The following TBCB variants were observed in gnomAD, a reference collection of about 807,000 sequenced individuals.
The protein encoded by TBCB is tubulin folding cofactor B, also known as tubulin-folding cofactor B.
A neutral mutation model predicts 29.2 loss-of-function variants in TBCB; 18 were observed. The observed-to-expected ratio is 0.62, with a 90% CI of 0.43 to 0.91. TBCB has a LOEUF of 0.91. Among genes scored for constraint, TBCB ranks in the 40% least tolerant of loss-of-function variants. TBCB has a pLI of 0.00. For missense variants in TBCB, 336 were observed against 337.6 expected, an observed-to-expected ratio of 1.00 and a Z score of 0.04; for synonymous variants, 172 against 137.8, an observed-to-expected ratio of 1.25 and a Z score of -1.74.
chr19:36,119,155 A>G (rs1434334408), intron 2 of TBCB, among the ~76,000 whole-genome samples: 1 of 152,222 alleles, frequency 6.6e-6, no homozygotes, highest in African/African-American at 2.4e-5. Flanking sequence ...GAGTGGAGCC[A>G]CTGGGGAATT....
At chr19:36,115,006 C>T (rs1051608372), upstream of TBCB, 12 of 731,578 alleles carry the variant, frequency 1.6e-5, no homozygotes, top group Non-Finnish European at 2.5e-5. Flanking sequence ...GCTCGGCTCT[C>T]TCCGCGCAGA....
At chr19:36,119,869 C>T (rs1039038510) in intron 2 of TBCB, among the ~76,000 whole-genome samples, 8 of 151,062 alleles carry the variant, frequency 5.3e-5, no homozygotes, top group African/African-American at 1.7e-4. Context: ...ACACTCCAGC[C>T]TGGGTGACAG....
chr19:36,125,177 C>T (rs537106821), intron 4 of TBCB, among the ~76,000 whole-genome samples: 36 of 152,280 alleles, frequency 2.4e-4, no homozygotes, highest in African/African-American at 8.7e-4. Context: ...GTGCCATCCC[C>T]CTTAGGTTTT....
At position 36,122,973 on chromosome 19, in the gene TBCB, AGTC is replaced by A. The variant is rs1884335673; in HGVS notation, c.547+1259_547+1261del. On this transcript the variant is annotated intron_variant, in intron 4 of 5. Coordinates refer to ENST00000221855, the MANE Select transcript of TBCB (RefSeq NM_001281.3). ...TTATGCCTGTGTGTACCCATCCCCC[AGTC>A]GTCTTCAGCCACTAATTTACGTCTG... 1.3e-5 allele frequency among the ~76,000 whole-genome samples: 2 copies of A among 152,020 alleles called. 1 individual carries two copies. Among genetic ancestry groups the A allele is most frequent in the South Asian group, 4.1e-4 (2 of 4,822 alleles).
chr19:36,115,980 A>G, intron 1 of TBCB, 61 bp from the exon 2 acceptor site: 5 of 1,582,608 alleles, frequency 3.2e-6, no homozygotes, highest in Non-Finnish European at 4.3e-6. Flanking sequence ...GGCGATGGTC[A>G]TTGATGCAAG....
exon 1 of TBCB, chr19:36,115,459 GGAGGCGGGGCTGA>G: frequency 1.1e-6 from 1 of 872,664 alleles, no homozygotes; most frequent in Non-Finnish European, 1.8e-6. Context: ...GCACGGAGCA[GGAGGCGGGGCTGA>G]TAGCCCAGCA....
chr19:36,117,015 G>A (rs1164150138), intron 2 of TBCB, among the ~76,000 whole-genome samples: 1 of 152,190 alleles, frequency 6.6e-6, no homozygotes, highest in Non-Finnish European at 1.5e-5. Flanking sequence ...TGGATCCTGG[G>A]CCTGAATGGT....
intron 4 of TBCB, 155 bp downstream of exon 4, chr19:36,121,873 A>G (rs930392718): frequency 6.2e-6 from 6 of 967,846 alleles, no homozygotes; most frequent in East Asian, 2.7e-5. Flanking sequence ...TGACGGAACC[A>G]TCTGCCGACA....
At chr19:36,122,719 A>G (rs944002587) in intron 4 of TBCB, among the ~76,000 whole-genome samples, 3 of 149,848 alleles carry the variant, frequency 2.0e-5, no homozygotes, top group African/African-American at 7.4e-5. Context: ...GCACCACTGC[A>G]CTGCAGCCTG....
chr19:36,125,599 C>G, intron 5 of TBCB, 69 bp from the exon 6 acceptor site: 1 of 1,606,692 alleles, frequency 6.2e-7, no homozygotes, highest in Non-Finnish European at 8.5e-7. Flanking sequence ...CTGAGCTGCC[C>G]ATGCCAGCTT....
chr19:36,125,427 C>T (rs563223760), intron 4 of TBCB, 24 bp from the exon 5 acceptor site: 5 of 1,612,898 alleles, frequency 3.1e-6, no homozygotes, highest in Non-Finnish European at 4.2e-6. Context: ...AGAAGCTTCA[C>T]AGGGATTTCT....
rs149117559 is a variant in TBCB, at chr19:36,124,205, G to T, written c.548-1246G>T. Among the ~76,000 whole-genome samples the T allele has an allele frequency of 3.9e-3, 588 of 152,238 alleles. 3 individuals carry two copies. The highest frequency in any genetic ancestry group is 0.014 in the African/African-American group (566 of 41,546). On this transcript the variant is annotated intron_variant, in intron 4 of 5. Coordinates refer to ENST00000221855, the MANE Select transcript of TBCB (RefSeq NM_001281.3). ...TGGCCATTTGTGTATCTTCTTTGGA[G>T]AAATGTCTATTCAGATCCTTTGCCT... is the stretch of plus-strand genomic sequence containing the variant.
intron 4 of TBCB, among the ~76,000 whole-genome samples, chr19:36,123,723 A>C (rs904224923): frequency 6.6e-6 from 1 of 152,106 alleles, no homozygotes; most frequent in Admixed American, 6.5e-5. Context: ...AAAAATTCAA[A>C]AATTAACTGG....
chr19:36,120,188 T>G (rs1390231107), intron 2 of TBCB, among the ~76,000 whole-genome samples: 1 of 152,178 alleles, frequency 6.6e-6, no homozygotes, highest in Non-Finnish European at 1.5e-5. Flanking sequence ...GCCTTCTCCC[T>G]GCACAATGAG....
intron 2 of TBCB, among the ~76,000 whole-genome samples, chr19:36,120,092 T>C (rs1428322553): frequency 6.6e-6 from 1 of 152,000 alleles, no homozygotes; most frequent in Non-Finnish European, 1.5e-5. Context: ...TACCCTCCCA[T>C]GCTCCTTAAG....
At chr19:36,121,974 G>A (rs1599865685) in intron 4 of TBCB, 2 of 575,422 alleles carry the variant, frequency 3.5e-6, no homozygotes, top group Admixed American at 3.2e-5. Context: ...AGAGGCACGC[G>A]GCCTGTGCGC....
intron 2 of TBCB, among the ~76,000 whole-genome samples, chr19:36,117,543 G>T (rs1317798415): frequency 1.3e-5 from 2 of 151,896 alleles, no homozygotes; most frequent in African/African-American, 4.8e-5. Flanking sequence ...GTAGAGTTGG[G>T]GTTTCACCAT....
At position 36,121,825 on chromosome 19, in the gene TBCB, G is replaced by A. The variant is rs1336641223; in HGVS notation, c.547+107G>A. On this transcript the variant is annotated intron_variant, in intron 4 of 5. Coordinates refer to ENST00000221855, the MANE Select transcript of TBCB (RefSeq NM_001281.3). ...GACCACGCTCTGCCTAGGGGCGCGG[G>A]GTTGGGGGGGACTCGAAACGATCTC... 21 of 1,390,970 alleles carry A rather than the reference G, an allele frequency of 1.5e-5. No individual in the cohort carries two copies. In the East Asian group the frequency reaches 5.2e-4, roughly 35 times the overall value. 86.2% of individuals were successfully genotyped at this position (1,390,970 alleles called of 1,614,324 possible).
intron 2 of TBCB, among the ~76,000 whole-genome samples, chr19:36,118,830 A>G (rs2145907118): frequency 6.6e-6 from 1 of 152,234 alleles, no homozygotes; most frequent in Middle Eastern, 3.4e-3. Context: ...GAAGCTGGGG[A>G]GGACCCTGAC....
Sources: allele counts gnomAD v4.1 joint callset (sites outside exome capture counted in the v4.1 genomes callset), GRCh38; gene constraint gnomAD v4.1.1; transcripts MANE v1.5; gene names NCBI Gene and HGNC (gene_info 2026-07-23, HGNC 2026-07-21).